Variants in SARDH observed in about 807,000 individuals in gnomAD.
SARDH encodes the protein sarcosine dehydrogenase, mitochondrial.
SARDH carries 95 observed loss-of-function variants against 109.1 expected under a neutral mutation model. That is an observed-to-expected ratio of 0.87 (90% CI 0.74 to 1.03). The LOEUF is 1.03. Ranked by LOEUF, SARDH falls within the 50% of genes least tolerant of loss-of-function variation. The probability of loss-of-function intolerance (pLI) is 0.00; values close to 1 mark genes in which losing one functional copy is unlikely to be tolerated. For missense variants in SARDH, 1,267 were observed against 1,287.8 expected (o/e 0.98, Z 0.25); for synonymous variants, 572 against 534.8 (o/e 1.07, Z -0.96).
chr9:133,677,380 T>C (rs1830552769), intron 17 of SARDH, among the ~76,000 whole-genome samples: 1 of 152,116 alleles, frequency 6.6e-6, no homozygotes, highest in African/African-American at 2.4e-5. Flanking sequence ...GGATGCACCT[T>C]CAATCCTGGG....
rs940248152 is a variant in SARDH at position 133,692,185 on chromosome 9, C to T, written c.1922-1658G>A. Among the ~76,000 whole-genome samples, 4 of 152,156 alleles carry T rather than the reference C, an allele frequency of 2.6e-5. No individual in the cohort carries two copies. Among genetic ancestry groups the T allele is most frequent in the African/African-American group, 9.7e-5 (4 of 41,432 alleles). On this transcript the variant is annotated intron_variant, in intron 15 of 20. Coordinates refer to ENST00000439388, the MANE Select transcript of SARDH (RefSeq NM_001134707.2). This position sits in a 1 kb window ranked among gnomAD's most constrained non-coding sequence, Gnocchi z 5.0. ...GCAGCCCCGGGAGGCGCGTCTTCCT[C>T]ACTCCATTCCACCAATGGGGGAAAC... is the stretch of plus-strand genomic sequence containing the variant.
rs1038764438 is a variant in SARDH at position 133,670,678 on chromosome 9, G to A, written c.2401C>T (p.Leu801Phe). 7 of 1,607,594 alleles carry A rather than the reference G, an allele frequency of 4.4e-6. No homozygotes were observed. The highest frequency in any genetic ancestry group is 5.9e-6 in the Non-Finnish European group (7 of 1,177,882). ...CCCAGGAAGGGCACCGGCGACTTGA[G>A]CTTGCAGGTGAAGGCCAGGCCTGCC... ...LEAGLAFTCK[L>F]KSPVPFLGRE... is the part of the protein sequence containing the mutation. The change falls in exon 19 of 21, where the codon CTC (leucine) becomes TTC (phenylalanine). Residue 801 changes from leucine (L) to phenylalanine (F), a missense_variant. Transcript: ENST00000439388.
At position 133,731,294 on chromosome 9, in the gene SARDH, G is replaced by A. The variant is rs1339092010; in HGVS notation, c.690+11C>T. 14 of 1,613,348 alleles carry A rather than the reference G, an allele frequency of 8.7e-6. No individual in the cohort carries two copies. The highest frequency in any genetic ancestry group is 1.1e-5 in the Non-Finnish European group (13 of 1,179,670). ...GGAACAGGGGACCCAGAGCCAGGCGGCCATCAGTACCTGTGCTCCTCGGGC... is the reference window on the plus strand; with the variant it reads ...GGAACAGGGGACCCAGAGCCAGGCGACCATCAGTACCTGTGCTCCTCGGGC... On this transcript the variant is annotated intron_variant, in intron 4 of 20. Coordinates refer to ENST00000439388, the MANE Select transcript of SARDH (RefSeq NM_001134707.2).
In SARDH at chr9:133,729,808, A is replaced by T. The variant is rs1237395150; in HGVS notation, c.872T>A (p.Met291Lys). 6.2e-7 allele frequency: 1 copy of T among 1,612,794 alleles called. No individual in the cohort carries two copies. Among genetic ancestry groups the T allele is most frequent in the East Asian group, 2.2e-5 (1 of 44,874 alleles). ...MAGVKVPLVA[M>K]HHAYVVTERI... ...CTCGGTGACGACATAGGCATGGTGC[A>T]TGGCCACCAGCGGGACCTTGACTCC... The change falls in exon 6 of 21, where the codon ATG (methionine) becomes AAG (lysine). Residue 291 changes from methionine to lysine, a missense_variant. Coordinates refer to ENST00000439388, the MANE Select transcript of SARDH (RefSeq NM_001134707.2).
At position 133,670,729 on chromosome 9, in the gene SARDH, G is replaced by A; in HGVS notation, c.2350C>T (p.Leu784=). ...TCCAGGGGGCTGTCGTCTGGCCGCA[G>A]GTCCGCGTGCCAGTGCCGGTAGCCT... ...EKGYRHWHAD[L]RPDDSPLEAG... Residue 784 remains leucine, a synonymous_variant, in exon 19 of 21, where the codon CTG becomes TTG. Transcript: ENST00000439388. 1.3e-6 allele frequency: 2 copies of A among 1,591,960 alleles called. No homozygotes were observed. Among genetic ancestry groups the A allele is most frequent in the Non-Finnish European group, 1.7e-6 (2 of 1,170,214 alleles).
intron 17 of SARDH, among the ~76,000 whole-genome samples, chr9:133,673,202 G>A (rs1473729936): frequency 6.6e-6 from 1 of 152,252 alleles, no homozygotes; most frequent in African/African-American, 2.4e-5. Context: ...GGGGCTTCTT[G>A]CACAGGAGGC....
chr9:133,667,242 C>T (rs1215774253), intron 19 of SARDH: 2 of 387,736 alleles, frequency 5.2e-6, no homozygotes, highest in East Asian at 4.3e-5. Flanking sequence ...TCTAGACTCA[C>T]TACAACCTCC....
chr9:133,724,248 G>A (rs1588449146), intron 6 of SARDH, among the ~76,000 whole-genome samples: 1 of 152,170 alleles, frequency 6.6e-6, no homozygotes, highest in Non-Finnish European at 1.5e-5. Context: ...GGAAGAAAAT[G>A]TTCATAAATC....
At chr9:133,674,991 C>T (rs1216822395) in intron 17 of SARDH, among the ~76,000 whole-genome samples, 1 of 152,014 alleles carries the variant, frequency 6.6e-6, no homozygotes, top group East Asian at 1.9e-4. Flanking sequence ...GGCCTTCTAC[C>T]CAGACAGAAC....
rs549119251 is a variant in SARDH, at chr9:133,719,641, C to A, written c.916-599G>T. ...GTGGACTGCCATCCCCCCACCCCCC[C>A]ACCCCAGGAGCAGATTGGAGACTCT... On this transcript the variant is annotated intron_variant, in intron 6 of 20. Transcript: ENST00000439388. Among the ~76,000 whole-genome samples the A allele has an allele frequency of 1.0e-4, 14 of 140,354 alleles. No individual in the cohort carries two copies. The South Asian group carries it at 2.2e-3, about 22-fold the overall frequency. The allele number at this position is 140,354 out of a possible 152,430, so 92.1% of individuals were successfully genotyped here. A position where few individuals can be genotyped will look rare whatever the true frequency, so the allele number is the denominator to read the frequency against.
At chr9:133,739,909 G>A (rs1833001488), upstream of SARDH, 1 of 152,308 alleles carries the variant, frequency 6.6e-6, no homozygotes, top group South Asian at 2.1e-4. Flanking sequence ...CAGTGGCCGG[G>A]TAGCCCACAC....
At chr9:133,681,398 C>A (rs148978916) in intron 17 of SARDH, among the ~76,000 whole-genome samples, 7 of 152,350 alleles carry the variant, frequency 4.6e-5, no homozygotes, top group Non-Finnish European at 7.4e-5. Context: ...TTCTCTGTGG[C>A]CATCTTTGCG....
chr9:133,738,945 T>C (rs1367293953), upstream of SARDH, among the ~76,000 whole-genome samples: 1 of 152,240 alleles, frequency 6.6e-6, no homozygotes, highest in African/African-American at 2.4e-5. Context: ...CACTGGCTAC[T>C]GCACAGCACG....
intron 11 of SARDH, among the ~76,000 whole-genome samples, chr9:133,707,167 G>A (rs946985479): frequency 3.9e-5 from 6 of 152,226 alleles, no homozygotes; most frequent in Admixed American, 1.3e-4. Context: ...AAGTCGAGGC[G>A]TGGGTGAACC....
chr9:133,670,900 A>T (rs117877503), intron 18 of SARDH, 148 bp from the exon 19 acceptor site: 27,951 of 1,195,192 alleles, frequency 0.023, 469 homozygotes, highest in Non-Finnish European at 0.029. Context: ...AGGCAGGGGC[A>T]TCCCCAACTC....
chr9:133,728,029 G>A lies in SARDH; in HGVS notation c.915+1736C>T, dbSNP rs995217525. Among the ~76,000 whole-genome samples, 3 of 152,058 alleles carry A rather than the reference G, an allele frequency of 2.0e-5. No homozygotes were observed. Among genetic ancestry groups the A allele is most frequent in the Non-Finnish European group, 4.4e-5 (3 of 67,986 alleles). On this transcript the variant is annotated intron_variant, in intron 6 of 20. Coordinates refer to ENST00000439388, the MANE Select transcript of SARDH (RefSeq NM_001134707.2). This position sits in a 1 kb window ranked among gnomAD's most constrained non-coding sequence, Gnocchi z 5.0. ...GACCCCTGGCGGCCACCTAGGGGAG[G>A]AGGCTCTCCCCAGGGACCCGGAGCC...
intron 17 of SARDH, among the ~76,000 whole-genome samples, chr9:133,677,868 T>C (rs1374730980): frequency 1.3e-5 from 2 of 152,190 alleles, no homozygotes; most frequent in African/African-American, 2.4e-5. Flanking sequence ...TCCTGGACTA[T>C]AGGTTGTGAT....
chr9:133,713,545 C>T (rs952974264), intron 8 of SARDH, among the ~76,000 whole-genome samples: 5 of 152,360 alleles, frequency 3.3e-5, no homozygotes, highest in African/African-American at 9.6e-5. Context: ...TTTCTCACTC[C>T]ACTTCCCCCC....
At chr9:133,705,966 C>T (rs999407384) in intron 11 of SARDH, among the ~76,000 whole-genome samples, 1 of 152,170 alleles carries the variant, frequency 6.6e-6, no homozygotes, top group East Asian at 1.9e-4. Context: ...AGGAACCCAT[C>T]GTCTGACACC....
Sources: allele counts gnomAD v4.1 joint callset (sites outside exome capture counted in the v4.1 genomes callset), GRCh38; gene constraint gnomAD v4.1.1; non-coding constraint Gnocchi (gnomAD v3.1); transcripts MANE v1.5; gene names NCBI Gene and HGNC (gene_info 2026-07-23, HGNC 2026-07-21).